Variants in PIK3C2G observed in about 807,000 individuals in gnomAD.
PIK3C2G encodes the protein phosphatidylinositol 3-kinase C2 domain-containing subunit gamma.
A neutral mutation model predicts 181.1 loss-of-function variants in PIK3C2G; 168 were observed. The ratio of observed to expected loss-of-function variants is 0.93; its 90% CI spans 0.82 to 1.05. The LOEUF (loss-of-function observed/expected upper bound fraction) is 1.05, where lower values mean the gene tolerates loss of function less well. Ranked by LOEUF, PIK3C2G falls within the 50% of genes least tolerant of loss-of-function variation. The probability of loss-of-function intolerance (pLI) is 0.00; values close to 1 mark genes in which losing one functional copy is unlikely to be tolerated. For missense variants in PIK3C2G, 1,869 were observed against 1,732.8 expected (o/e 1.08, Z -1.40); for synonymous variants, 573 against 592.2 (o/e 0.97, Z 0.47).
chr12:18,395,084 C>CTTCTTTCTTTCTTTCTTTCT lies in PIK3C2G; in HGVS notation c.2126+3851_2126+3852insTTTCTTTCTTTCTTTCTTTC, dbSNP rs1211076005. ...CCTTCTTTCCCTGCCTCTTTCATTC[C>CTTCTTTCTTTCTTTCTTTCT]TTCTTTCTTTCTTTCTTTCATTCTT... On this transcript the variant is annotated intron_variant, in intron 15 of 32. Coordinates refer to ENST00000538779, the MANE Select transcript of PIK3C2G (RefSeq NM_001288772.2). 5.0e-3 allele frequency among the ~76,000 whole-genome samples: 702 copies of CTTCTTTCTTTCTTTCTTTCT among 141,574 alleles called. 4 individuals carry two copies. The highest frequency in any genetic ancestry group is 0.013 in the East Asian group (64 of 4,798). The allele number at this position is 141,574 out of a possible 152,430, so 92.9% of individuals were successfully genotyped here. A position where few individuals can be genotyped will look rare whatever the true frequency, so the allele number is the denominator to read the frequency against.
At chr12:18,406,141 C>T (rs1355391874) in intron 16 of PIK3C2G, among the ~76,000 whole-genome samples, 1 of 152,108 alleles carries the variant, frequency 6.6e-6, no homozygotes, top group African/African-American at 2.4e-5. Flanking sequence ...ATTTGTGTTT[C>T]TGTGCCTGGC....
chr12:18,346,923 A>G, intron 11 of PIK3C2G, 87 bp downstream of exon 11: 1 of 753,518 alleles, frequency 1.3e-6, no homozygotes, highest in Non-Finnish European at 2.0e-6. Flanking sequence ...TATATGCAGG[A>G]GCAAAGATTT....
At chr12:18,526,292 G>A (rs1462117061) in intron 24 of PIK3C2G, among the ~76,000 whole-genome samples, 2 of 152,124 alleles carry the variant, frequency 1.3e-5, no homozygotes, top group Non-Finnish European at 2.9e-5. Context: ...GAAATTAGGT[G>A]ATTCTCATTG....
intron 30 of PIK3C2G, among the ~76,000 whole-genome samples, chr12:18,594,910 A>G (rs1947277583): frequency 6.6e-6 from 1 of 152,022 alleles, no homozygotes; most frequent in Non-Finnish European, 1.5e-5. Flanking sequence ...TATTTCTTTG[A>G]AAGGTGTTTT....
intron 16 of PIK3C2G, among the ~76,000 whole-genome samples, chr12:18,406,936 G>A (rs886317480): frequency 6.6e-6 from 1 of 152,144 alleles, no homozygotes; most frequent in African/African-American, 2.4e-5. Flanking sequence ...AGTTTCTTGA[G>A]TTATTTCCAG....
At chr12:18,427,773 C>A (rs1000145199) in intron 18 of PIK3C2G, among the ~76,000 whole-genome samples, 18 of 151,506 alleles carry the variant, frequency 1.2e-4, no homozygotes, top group Admixed American at 8.5e-4. Context: ...GTATAATTCT[C>A]ATCCTTTCGA....
chr12:18,548,117 A>G (rs1372374769), intron 26 of PIK3C2G, among the ~76,000 whole-genome samples: 1 of 151,954 alleles, frequency 6.6e-6, no homozygotes, highest in East Asian at 1.9e-4. Context: ...GGTAGCAAAA[A>G]TAGCCCCCTG....
intron 25 of PIK3C2G, among the ~76,000 whole-genome samples, chr12:18,544,695 A>C (rs891163273): frequency 1.3e-5 from 2 of 151,796 alleles, no homozygotes; most frequent in Non-Finnish European, 1.5e-5. Flanking sequence ...GTGAGAAGAG[A>C]ATTTGCTGTA....
intron 31 of PIK3C2G, among the ~76,000 whole-genome samples, chr12:18,620,575 C>T (rs1300011345): frequency 1.4e-5 from 2 of 141,784 alleles, no homozygotes. Context: ...GATAGGTAAC[C>T]ATACTGTAGG....
intron 30 of PIK3C2G, among the ~76,000 whole-genome samples, chr12:18,607,850 C>T (rs1948117138): frequency 6.6e-6 from 1 of 152,024 alleles, no homozygotes; most frequent in African/African-American, 2.4e-5. Context: ...AACAAATTTA[C>T]AAGAAAAAAA....
chr12:18,651,488 C>T (rs1481814500), downstream of PIK3C2G, among the ~76,000 whole-genome samples: 1 of 152,076 alleles, frequency 6.6e-6, no homozygotes, highest in Non-Finnish European at 1.5e-5. Context: ...GGCAATTAGC[C>T]ATAAGACTAT....
At chr12:18,435,678 C>T (rs1408190486) in intron 18 of PIK3C2G, among the ~76,000 whole-genome samples, 1 of 152,056 alleles carries the variant, frequency 6.6e-6, no homozygotes, top group Non-Finnish European at 1.5e-5. Context: ...TATAATCTTT[C>T]TTTTTATTAT....
chr12:18,717,320 A>G, the PIK3C2G span, among the ~76,000 whole-genome samples: 1 of 152,194 alleles, frequency 6.6e-6, no homozygotes, highest in Non-Finnish European at 1.5e-5. Context: ...ACAGAATTCT[A>G]AATGAATACA....
chr12:18,497,836 G>A (rs986964240), intron 22 of PIK3C2G, 88 bp downstream of exon 22: 44 of 971,504 alleles, frequency 4.5e-5, no homozygotes, highest in Non-Finnish European at 6.2e-5. Context: ...TCCAGCTTTC[G>A]TTTTAAACTA....
In PIK3C2G at chr12:18,562,813, C is replaced by T. The variant is rs1448964458; in HGVS notation, c.3701C>T (p.Pro1234Leu). ...SPAKSTSQTF[P>L]QESCLLSTTR... ...GCCAAATCTACTTCACAGACTTTTC[C>T]TCAGGAATCCTGTTTGCTGAGTACA... is the stretch of plus-strand genomic sequence containing the variant. Residue 1234 changes from proline to leucine, a missense_variant, in exon 27 of 33, where the codon CCT (proline) becomes CTT (leucine). Physicochemically the swap from Pro to Leu is moderately conservative, Grantham distance 98 (BLOSUM62 -3). Transcript: ENST00000538779. The T allele has an allele frequency of 3.1e-6, 5 of 1,607,722 alleles. No homozygotes were observed. Among genetic ancestry groups the T allele is most frequent in the Non-Finnish European group, 4.2e-6 (5 of 1,176,620 alleles).
At chr12:18,506,191 G>T (rs979391986) in intron 24 of PIK3C2G, among the ~76,000 whole-genome samples, 1 of 152,078 alleles carries the variant, frequency 6.6e-6, no homozygotes, top group African/African-American at 2.4e-5. Context: ...ACATACAATA[G>T]CAGTGAGCAC....
intron 27 of PIK3C2G, 141 bp from the exon 28 acceptor site, chr12:18,563,236 T>C (rs557533268): frequency 1.4e-6 from 1 of 740,148 alleles, no homozygotes; most frequent in Non-Finnish European, 2.1e-6. Context: ...ATTTTGCCTT[T>C]ACAAAATGCA....
intron 1 of PIK3C2G, among the ~76,000 whole-genome samples, chr12:18,280,531 G>A (rs1366792618): frequency 6.6e-6 from 1 of 151,966 alleles, no homozygotes; most frequent in East Asian, 1.9e-4. Flanking sequence ...TCCTTTTGAG[G>A]AGCCAGAAGG....
intron 18 of PIK3C2G, among the ~76,000 whole-genome samples, chr12:18,458,606 TTG>T (rs1345533283): frequency 2.0e-5 from 3 of 152,066 alleles, no homozygotes; most frequent in Admixed American, 2.0e-4. Context: ...ACTCTTGTGA[TTG>T]TGTTACATTA....
Sources: gnomAD v4.1 joint callset for allele counts (sites outside exome capture counted in the v4.1 genomes callset) on GRCh38, gnomAD v4.1.1 for gene constraint, MANE v1.5 for transcripts, NCBI Gene and HGNC (gene_info 2026-07-23, HGNC 2026-07-21) for gene names.